DEPTOR: variants seen among roughly 807,000 people sequenced by gnomAD.
The protein encoded by DEPTOR is DEP domain-containing mTOR-interacting protein.
DEPTOR carries 41 observed loss-of-function variants against 41.6 expected under a neutral mutation model. The ratio of observed to expected loss-of-function variants is 0.98; its 90% CI spans 0.77 to 1.28. The LOEUF (loss-of-function observed/expected upper bound fraction) is 1.28. Ranked by LOEUF, DEPTOR falls within the 50% of genes most tolerant of loss-of-function variation. The probability of loss-of-function intolerance (pLI) is 0.00; values close to 1 mark genes in which losing one functional copy is unlikely to be tolerated. For missense variants in DEPTOR, 514 were observed against 527.9 expected (o/e 0.97, Z 0.26); for synonymous variants, 195 against 192.3 (o/e 1.01, Z -0.12).
chr8:119,875,261 T>C (rs906230011), intron 1 of DEPTOR, among the ~76,000 whole-genome samples: 7 of 152,096 alleles, frequency 4.6e-5, no homozygotes, highest in Admixed American at 1.3e-4. Context: ...TGGGTGCAGG[T>C]GGACTGAGTC....
chr8:120,034,201 A>T lies in DEPTOR; in HGVS notation c.1102-15375A>T, dbSNP rs1812937807. Among the ~76,000 whole-genome samples, 4 of 151,716 alleles carry T rather than the reference A, an allele frequency of 2.6e-5. No homozygotes were observed. The South Asian group carries it at 8.3e-4, about 32-fold the overall frequency. On this transcript the variant is annotated intron_variant, in intron 8 of 8. Transcript: ENST00000286234. Reference sequence around the variant, plus strand: ...GCTCAGTCCTATTTATAATCCTCTTACTTTTCCCACCAAAACACTACGAAC... The same window carrying T: ...GCTCAGTCCTATTTATAATCCTCTTTCTTTTCCCACCAAAACACTACGAAC...
chr8:120,009,221 C>G, intron 8 of DEPTOR, 88 bp downstream of exon 8: 1 of 1,157,984 alleles, frequency 8.6e-7, no homozygotes. Flanking sequence ...GGATCCAAAC[C>G]CATCTTATTT....
At chr8:119,914,671 C>T (rs1020027377) in intron 1 of DEPTOR, among the ~76,000 whole-genome samples, 3 of 152,146 alleles carry the variant, frequency 2.0e-5, no homozygotes, top group Non-Finnish European at 4.4e-5. Flanking sequence ...AAATCCTGAC[C>T]TCAGGTGATC....
chr8:120,033,668 A>G lies in DEPTOR; in HGVS notation c.1102-15908A>G, dbSNP rs16893445. Among the ~76,000 whole-genome samples the G allele has an allele frequency of 9.2e-3, 1,404 of 152,346 alleles. 19 individuals are homozygous for G. Among genetic ancestry groups the G allele is most frequent in the African/African-American group, 0.031 (1,294 of 41,586 alleles). On this transcript the variant is annotated intron_variant, in intron 8 of 8. Transcript: ENST00000286234. The stretch of plus-strand genomic sequence containing the variant: ...TGGAGGGATCTCAATCTCCAAATCC[A>G]TAGATTTCTCTGACTGGTGTGCTAG...
intron 1 of DEPTOR, among the ~76,000 whole-genome samples, chr8:119,896,995 C>T (rs1021437135): frequency 7.9e-5 from 12 of 152,058 alleles, no homozygotes; most frequent in African/African-American, 2.4e-4. Context: ...CTATTATGTA[C>T]GCCTAATTAC....
chr8:119,919,212 A>G (rs1827858649), intron 1 of DEPTOR, among the ~76,000 whole-genome samples: 1 of 152,176 alleles, frequency 6.6e-6, no homozygotes, highest in Non-Finnish European at 1.5e-5. Context: ...CATACCTAGA[A>G]GATTTCTGTA....
At position 119,975,151 on chromosome 8, in the gene DEPTOR, T is replaced by A. The variant is rs553618890; in HGVS notation, c.604+9741T>A. Among the ~76,000 whole-genome samples the A allele has an allele frequency of 5.0e-4, 75 of 150,166 alleles. 1 individual carries two copies. In the South Asian group the frequency reaches 5.1e-3, roughly 10 times the overall value. On this transcript the variant is annotated intron_variant, in intron 4 of 8. Coordinates refer to ENST00000286234, the MANE Select transcript of DEPTOR (RefSeq NM_022783.4). ...TCCCATCTCTAAAAAAAAAAAAAAA[T>A]TTTTTTAAAAAGGACAAAAGGACAT...
chr8:120,050,819 T>C lies in DEPTOR; in HGVS notation c.*1115T>C, dbSNP rs1813225287. 2.0e-5 allele frequency: 3 copies of C among 152,072 alleles called. No individual in the cohort carries two copies. In the South Asian group the frequency reaches 6.2e-4, roughly 32 times the overall value. 9.4% of individuals were successfully genotyped at this position (152,072 alleles called of 1,614,324 possible). ...TTCCTCAAAGTGCCAAATTAGGCAG[T>C]CAGGAAATACTAAATTCTTCATTCC... On this transcript the variant is annotated 3_prime_UTR_variant, in exon 9 of 9. Coordinates refer to ENST00000286234, the MANE Select transcript of DEPTOR (RefSeq NM_022783.4).
At chr8:120,012,947 A>G (rs1812552928) in intron 8 of DEPTOR, among the ~76,000 whole-genome samples, 1 of 152,040 alleles carries the variant, frequency 6.6e-6, no homozygotes, top group African/African-American at 2.4e-5. Flanking sequence ...ACCCAAGGTC[A>G]GGAGATTGAG....
chr8:119,880,951 C>T (rs930503633), intron 1 of DEPTOR, among the ~76,000 whole-genome samples: 9 of 152,172 alleles, frequency 5.9e-5, no homozygotes, highest in African/African-American at 2.2e-4. Flanking sequence ...TTCACTTTTG[C>T]TCCTCTACCA....
chr8:120,049,328 G>A (rs1813196316), intron 8 of DEPTOR, among the ~76,000 whole-genome samples: 1 of 151,700 alleles, frequency 6.6e-6, no homozygotes, highest in African/African-American at 2.4e-5. Flanking sequence ...GCTAAAGCTA[G>A]TATGTCTCTG....
rs577919723 is a variant in DEPTOR at position 119,949,323 on chromosome 8, G to A, written c.426-15909G>A. 1.6e-4 allele frequency among the ~76,000 whole-genome samples: 24 copies of A among 152,216 alleles called. 1 individual carries two copies. Among genetic ancestry groups the A allele is most frequent in the South Asian group, 1.0e-3 (5 of 4,822 alleles). ...CTCTTTGGCCTTTATAAATAATATCGTTATGAACATTCATATGCAAGGTTT... is the reference window on the plus strand; with the variant it reads ...CTCTTTGGCCTTTATAAATAATATCATTATGAACATTCATATGCAAGGTTT... On this transcript the variant is annotated intron_variant, in intron 3 of 8. Coordinates refer to ENST00000286234, the MANE Select transcript of DEPTOR (RefSeq NM_022783.4).
At chr8:119,938,134 G>A (rs900546651) in intron 3 of DEPTOR, among the ~76,000 whole-genome samples, 4 of 152,108 alleles carry the variant, frequency 2.6e-5, no homozygotes, top group Admixed American at 6.5e-5. Flanking sequence ...AACAACTACC[G>A]CAAAATGTAC....
At chr8:119,933,546 A>T (rs1318494085) in intron 3 of DEPTOR, among the ~76,000 whole-genome samples, 1 of 151,744 alleles carries the variant, frequency 6.6e-6, no homozygotes, top group African/African-American at 2.4e-5. Context: ...CTTCCTTTAG[A>T]TTATTTTACC....
intron 4 of DEPTOR, among the ~76,000 whole-genome samples, chr8:119,989,095 C>T (rs2130043868): frequency 6.6e-6 from 1 of 151,656 alleles, no homozygotes; most frequent in East Asian, 1.9e-4. Context: ...GCCATCGTGC[C>T]TGGCTGCCAC....
At chr8:120,006,098 C>A (rs1052000398) in intron 6 of DEPTOR, among the ~76,000 whole-genome samples, 5 of 152,172 alleles carry the variant, frequency 3.3e-5, no homozygotes, top group Non-Finnish European at 5.9e-5. Context: ...CTAACTCATT[C>A]ATTCTTGTGA....
At chr8:120,034,437 C>CTTTTTTTTTT (rs1563598678) in intron 8 of DEPTOR, among the ~76,000 whole-genome samples, 1 of 129,402 alleles carries the variant, frequency 7.7e-6, no homozygotes, top group African/African-American at 3.0e-5. Context: ...CTTTTTTTTC[C>CTTTTTTTTTT]TTTTTCTTTT....
chr8:120,042,328 CAACACATAGTGT>C (rs1272851482), intron 8 of DEPTOR, among the ~76,000 whole-genome samples: 1 of 152,040 alleles, frequency 6.6e-6, no homozygotes, highest in Non-Finnish European at 1.5e-5. Flanking sequence ...TGTTGATTTG[CAACACATAGTGT>C]ACCATAGATG....
At chr8:119,970,984 A>G (rs547282350) in intron 4 of DEPTOR, among the ~76,000 whole-genome samples, 2 of 152,326 alleles carry the variant, frequency 1.3e-5, no homozygotes, top group South Asian at 4.1e-4. Context: ...TAATCCCAGC[A>G]TTCTGGGAGG....
Sources: gnomAD v4.1 joint callset for allele counts (sites outside exome capture counted in the v4.1 genomes callset) on GRCh38, gnomAD v4.1.1 for gene constraint, MANE v1.5 for transcripts, NCBI Gene and HGNC (gene_info 2026-07-23, HGNC 2026-07-21) for gene names.